Variants in CFHR5 observed in about 807,000 individuals in gnomAD.
CFHR5 encodes the protein complement factor H-related protein 5.
In CFHR5, 73 loss-of-function variants were observed where a neutral mutation model predicts 62.9. The ratio of observed to expected loss-of-function variants is 1.16; its 90% confidence interval spans 0.96 to 1.41. The LOEUF (loss-of-function observed/expected upper bound fraction) is 1.41, where lower values mean the gene tolerates loss of function less well. CFHR5 is among the 40% of genes most tolerant of loss of function. CFHR5 has a pLI of 0.00. For missense variants in CFHR5, 779 were observed against 679.9 expected, an observed-to-expected ratio of 1.15 and a Z score of -1.62; for synonymous variants, 249 against 227.2, an observed-to-expected ratio of 1.10 and a Z score of -0.86.
Position 197,002,587 on chromosome 1 carries a change from A to T in CFHR5, c.1253A>T (p.Lys418Ile). The stretch of plus-strand genomic sequence containing the variant: ...GGAGAAAAAGTAGCTGTTCTCTGTA[A>T]AGAAAACTATCTACTTCCAGAAGCA... Reference protein sequence around the residue: ...QDGEKVAVLCKENYLLPEAKE... With the variant: ...QDGEKVAVLCIENYLLPEAKE... The change falls in exon 8 of 10, where the codon AAA becomes ATA. Residue 418 changes from lysine (K) to isoleucine (I), a missense_variant. By Grantham distance (102) the Lys-to-Ile change is moderately radical. Coordinates refer to ENST00000256785, the MANE Select transcript of CFHR5 (RefSeq NM_030787.4). 1 of 1,613,358 alleles carries T rather than the reference A, an allele frequency of 6.2e-7. No homozygotes were observed. Among genetic ancestry groups the T allele is most frequent in the Non-Finnish European group, 8.5e-7 (1 of 1,179,454 alleles).
At chr1:196,998,879 T>G (rs555308181) in intron 7 of CFHR5, among the ~76,000 whole-genome samples, 5 of 152,026 alleles carry the variant, frequency 3.3e-5, no homozygotes, top group Non-Finnish European at 5.9e-5. Flanking sequence ...AAAGTGCTTA[T>G]AAAGGAATGA....
At chr1:196,975,401 A>G (rs1348567170), upstream of CFHR5, among the ~76,000 whole-genome samples, 1 of 152,200 alleles carries the variant, frequency 6.6e-6, no homozygotes, top group Non-Finnish European at 1.5e-5. Context: ...GTATGTTTGC[A>G]TATTGGTGGA....
Position 196,977,739 on chromosome 1 carries a change from T to C in CFHR5, c.58+17T>C, listed in dbSNP as rs3748557. ...GGGGAGAAGGTAAGTTGAAAACAGA[T>C]CCGAATATTTTAGTTCCTTTTCAAA... On this transcript the variant is annotated intron_variant, in intron 1 of 9. Coordinates refer to ENST00000256785, the MANE Select transcript of CFHR5 (RefSeq NM_030787.4). 2 of 1,588,826 alleles carry C rather than the reference T, an allele frequency of 1.3e-6. No individual in the cohort carries two copies.
intron 2 of CFHR5, 93 bp downstream of exon 2, chr1:196,983,172 G>T: frequency 6.5e-7 from 1 of 1,548,684 alleles, no homozygotes; most frequent in Non-Finnish European, 8.9e-7. Flanking sequence ...AATCACAAGG[G>T]CAATGACCAG....
chr1:196,984,383 AC>A (rs1653627723), intron 3 of CFHR5, among the ~76,000 whole-genome samples: 1 of 152,214 alleles, frequency 6.6e-6, no homozygotes, highest in Admixed American at 6.5e-5. Context: ...CATTAATGTA[AC>A]AACTGTTTGT....
At chr1:197,000,567 G>T (rs1242733139) in intron 7 of CFHR5, among the ~76,000 whole-genome samples, 4 of 152,042 alleles carry the variant, frequency 2.6e-5, no homozygotes, top group Middle Eastern at 3.2e-3. Context: ...ACTTAGTTGG[G>T]ACTTTGTTGA....
At chr1:196,992,108 C>T (rs1225583795) in intron 3 of CFHR5, among the ~76,000 whole-genome samples, 3 of 152,192 alleles carry the variant, frequency 2.0e-5, no homozygotes, top group Non-Finnish European at 4.4e-5. Context: ...GGACGCCCCT[C>T]CCCCTGCCAG....
chr1:197,006,454 T>C (rs762926910), intron 9 of CFHR5, among the ~76,000 whole-genome samples: 6 of 152,158 alleles, frequency 3.9e-5, no homozygotes, highest in Admixed American at 6.5e-5. Context: ...CTCACGCCTG[T>C]ATTCCCAGCA....
At chr1:197,003,450 GAA>G (rs1183442151) in intron 8 of CFHR5, among the ~76,000 whole-genome samples, 1 of 151,988 alleles carries the variant, frequency 6.6e-6, no homozygotes, top group Non-Finnish European at 1.5e-5. Flanking sequence ...CTCACACAAG[GAA>G]AAAAGAGCCT....
In CFHR5 at chr1:197,008,533, G is replaced by A. The variant is rs202093724; in HGVS notation, c.1560G>A (p.Gln520=). 142 of 1,613,238 alleles carry A rather than the reference G, an allele frequency of 8.8e-5. 1 individual carries two copies. The highest frequency in any genetic ancestry group is 1.2e-4 in the Admixed American group (7 of 59,970). Residue 520 remains glutamine (Q), a synonymous_variant, in exon 10 of 10, where the codon CAG becomes CAA. Coordinates refer to ENST00000256785, the MANE Select transcript of CFHR5 (RefSeq NM_030787.4). ...AAAACATGAACAAAAATAACATACA[G>A]TTAAAATGGAGAAACGATGGAAAAC... The part of the protein sequence containing the change: ...SEENMNKNNI[Q]LKWRNDGKLY...
upstream of CFHR5, among the ~76,000 whole-genome samples, chr1:196,975,043 C>A (rs1185988809): frequency 6.6e-6 from 1 of 152,146 alleles, no homozygotes; most frequent in Non-Finnish European, 1.5e-5. Context: ...CAACAAAAGA[C>A]TGAGATGGTG....
rs962746986 is a variant in CFHR5, at chr1:196,982,761, T to C, written c.59-124T>C. ...TCCAAATTAGTACACTGGAAAGCAT[T>C]TAAGCTAAAGGCATTTAAGCTGAAT... On this transcript the variant is annotated intron_variant, in intron 1 of 9. Transcript: ENST00000256785. 7 of 829,076 alleles carry C rather than the reference T, an allele frequency of 8.4e-6. No individual in the cohort carries two copies. In the Admixed American group the frequency reaches 1.5e-4, roughly 17 times the overall value. 51.4% of individuals were successfully genotyped at this position (829,076 alleles called of 1,614,324 possible).
chr1:196,987,720 A>G (rs1448673678), intron 3 of CFHR5, among the ~76,000 whole-genome samples: 11 of 152,048 alleles, frequency 7.2e-5, no homozygotes, highest in Admixed American at 6.6e-4. Context: ...CCATTGGTCT[A>G]TATCTCTGTT....
intron 1 of CFHR5, among the ~76,000 whole-genome samples, chr1:196,978,374 T>C (rs901749353): frequency 6.6e-6 from 1 of 152,218 alleles, no homozygotes; most frequent in East Asian, 1.9e-4. Context: ...TTTTATTTCA[T>C]GTGGAAATTA....
intron 1 of CFHR5, 34 bp downstream of exon 1, chr1:196,977,756 CTTTTCAAATGTA>C (rs1369110576): frequency 3.4e-6 from 5 of 1,489,210 alleles, no homozygotes; most frequent in Non-Finnish European, 4.7e-6. Flanking sequence ...ATTTTAGTTC[CTTTTCAAATGTA>C]TTTATTGATT....
In CFHR5 at chr1:196,994,231, G is replaced by A. The variant is rs758984179; in HGVS notation, c.582G>A (p.Trp194Ter). Residue 194 changes from tryptophan (W) to a stop codon, truncating the protein, a stop_gained, in exon 4 of 10, where the codon TGG becomes TGA. Transcript: ENST00000256785. LOFTEE classifies it high-confidence loss of function. ...CAGTTCAATGTTACCAATTTGGGTG[G>A]TCACCTAACTTTCCAACATGCAAAG... is the stretch of plus-strand genomic sequence containing the variant. ...SDSVQCYQFGWSPNFPTCKGQ... is the reference protein window; with the variant it reads ...SDSVQCYQFG 5 of 1,613,470 alleles carry A rather than the reference G, an allele frequency of 3.1e-6. No homozygotes were observed. The South Asian group carries it at 3.3e-5, about 11-fold the overall frequency.
chr1:196,982,759 A>G, intron 1 of CFHR5, 126 bp from the exon 2 acceptor site: 1 of 811,090 alleles, frequency 1.2e-6, no homozygotes, highest in South Asian at 1.5e-5. Flanking sequence ...ACTGGAAAGC[A>G]TTTAAGCTAA....
In CFHR5 at chr1:196,994,207, A is replaced by G. The variant is rs760167433; in HGVS notation, c.558A>G (p.Ser186=). The G allele has an allele frequency of 6.2e-7, 1 of 1,613,690 alleles. No homozygotes were observed. Among genetic ancestry groups the G allele is most frequent in the East Asian group, 2.2e-5 (1 of 44,774 alleles). Residue 186 remains serine, a synonymous_variant, in exon 4 of 10, where the codon TCA becomes TCG. Transcript: ENST00000256785. The stretch of plus-strand genomic sequence containing the variant: ...ATCTTATAAGAGTTGGATCAGACTC[A>G]GTTCAATGTTACCAATTTGGGTGGT... ...RKNLIRVGSD[S]VQCYQFGWSP...
In CFHR5 at chr1:196,991,592, G is replaced by A. The variant is rs189895481; in HGVS notation, c.431-2488G>A. Among the ~76,000 whole-genome samples the A allele has an allele frequency of 1.6e-3, 245 of 152,166 alleles. 2 individuals carry two copies. Among genetic ancestry groups the A allele is most frequent in the African/African-American group, 5.5e-3 (230 of 41,496 alleles). The stretch of plus-strand genomic sequence containing the variant: ...TGTGGATGTTGATGCTATTTCTTTC[G>A]TTTTTTAGTTTTCCTTCTAACAATC... On this transcript the variant is annotated intron_variant, in intron 3 of 9. Transcript: ENST00000256785.
Sources: allele counts gnomAD v4.1 joint callset (sites outside exome capture counted in the v4.1 genomes callset), GRCh38; gene constraint gnomAD v4.1.1; transcripts MANE v1.5; gene names NCBI Gene and HGNC (gene_info 2026-07-23, HGNC 2026-07-21).